Variants in GALNTL6 observed in about 807,000 individuals in gnomAD.
GALNTL6 encodes polypeptide N-acetylgalactosaminyltransferase-like 6.
A neutral mutation model predicts 73.7 loss-of-function variants in GALNTL6; 46 were observed. The observed-to-expected ratio is 0.62, with a 90% CI of 0.49 to 0.80. GALNTL6 has a LOEUF of 0.80. Among genes scored for constraint, GALNTL6 ranks in the 30% least tolerant of loss-of-function variants. The pLI, the probability that GALNTL6 is intolerant of heterozygous loss-of-function variation, is 0.00. For missense variants in GALNTL6, 604 were observed against 755.0 expected, an observed-to-expected ratio of 0.80 and a Z score of 2.34; for synonymous variants, 259 against 263.7, an observed-to-expected ratio of 0.98 and a Z score of 0.17.
intron 5 of GALNTL6, among the ~76,000 whole-genome samples, chr4:172,365,853 C>T (rs1178461653): frequency 6.6e-6 from 1 of 151,990 alleles, no homozygotes; most frequent in East Asian, 1.9e-4. Context: ...TAGGCTGACC[C>T]ACCTTTAGAC....
intron 2 of GALNTL6, among the ~76,000 whole-genome samples, chr4:172,148,112 TA>T (rs1460428045): frequency 1.3e-5 from 2 of 152,178 alleles, no homozygotes; most frequent in African/African-American, 4.8e-5. Context: ...AAAACAGTAT[TA>T]TTACATTACA....
At chr4:172,968,720 A>G (rs895654075) in intron 10 of GALNTL6, among the ~76,000 whole-genome samples, 2 of 152,170 alleles carry the variant, frequency 1.3e-5, no homozygotes, top group African/African-American at 4.8e-5. Flanking sequence ...GAGTTAGAGC[A>G]GGAAGTTTTT....
chr4:171,826,527 G>C (rs74418255), intron 2 of GALNTL6, among the ~76,000 whole-genome samples: 4,955 of 152,136 alleles, frequency 0.033, 152 homozygotes, highest in Non-Finnish European at 0.049. Context: ...CCTATTGGAG[G>C]GGGTAGGGGA....
intron 5 of GALNTL6, among the ~76,000 whole-genome samples, chr4:172,457,854 A>G (rs554704167): frequency 6.6e-6 from 1 of 152,320 alleles, no homozygotes; most frequent in African/African-American, 2.4e-5. Context: ...CTCTGGACTA[A>G]GCAGATCTAA....
At chr4:172,813,135 A>G (rs1478506363) in intron 6 of GALNTL6, among the ~76,000 whole-genome samples, 3 of 152,146 alleles carry the variant, frequency 2.0e-5, no homozygotes, top group Admixed American at 6.5e-5. Context: ...ACTTTTTGGA[A>G]CCTCCAGAAA....
At chr4:171,900,775 A>G (rs1040958542) in intron 2 of GALNTL6, among the ~76,000 whole-genome samples, 3 of 152,156 alleles carry the variant, frequency 2.0e-5, no homozygotes, top group Admixed American at 6.6e-5. Context: ...TGGTTTTGAA[A>G]TTACAAAAAA....
chr4:172,840,282 A>G lies in GALNTL6; in HGVS notation c.923+26559A>G, dbSNP rs183657444. 1.6e-3 allele frequency among the ~76,000 whole-genome samples: 240 copies of G among 152,340 alleles called. 1 individual carries two copies. The highest frequency in any genetic ancestry group is 5.7e-3 in the African/African-American group (239 of 41,568). On this transcript the variant is annotated intron_variant, in intron 7 of 12. Transcript: ENST00000506823. ...TCCTAATCAGACGGTCATCATATAG[A>G]AAGTCTGTAAACACTGAATTTAAAT...
chr4:171,881,586 C>A (rs894142795), intron 2 of GALNTL6, among the ~76,000 whole-genome samples: 5 of 152,184 alleles, frequency 3.3e-5, no homozygotes, highest in Non-Finnish European at 7.3e-5. Context: ...GAGACACACC[C>A]AGGATCAATA....
chr4:172,645,397 A>T (rs1270497516), intron 5 of GALNTL6, among the ~76,000 whole-genome samples: 1 of 152,024 alleles, frequency 6.6e-6, no homozygotes, highest in African/African-American at 2.4e-5. Context: ...ATCAAGTTTC[A>T]TTCCTTTCCA....
At chr4:171,919,756 A>T (rs1302509140) in intron 2 of GALNTL6, among the ~76,000 whole-genome samples, 1 of 152,046 alleles carries the variant, frequency 6.6e-6, no homozygotes. Context: ...AGAAGCAACC[A>T]CCTCTACCCA....
intron 2 of GALNTL6, among the ~76,000 whole-genome samples, chr4:172,168,854 G>A (rs888531093): frequency 6.6e-6 from 1 of 152,146 alleles, no homozygotes; most frequent in Non-Finnish European, 1.5e-5. Flanking sequence ...TGTAATTTTT[G>A]TGATGTTTTT....
intron 5 of GALNTL6, among the ~76,000 whole-genome samples, chr4:172,727,588 T>C (rs1735894362): frequency 6.6e-6 from 1 of 152,180 alleles, no homozygotes; most frequent in South Asian, 2.1e-4. Context: ...AATTGGCCTT[T>C]AAGGAATAAA....
chr4:172,242,179 T>C (rs1302946838), intron 3 of GALNTL6, among the ~76,000 whole-genome samples: 1 of 152,098 alleles, frequency 6.6e-6, no homozygotes, highest in Admixed American at 6.6e-5. Context: ...ATCTAACAAA[T>C]TGGGCTGGGA....
chr4:171,967,782 A>G (rs184250542), intron 2 of GALNTL6, among the ~76,000 whole-genome samples: 1 of 152,170 alleles, frequency 6.6e-6, no homozygotes, highest in Non-Finnish European at 1.5e-5. Flanking sequence ...CAAAAGAATA[A>G]CAAATGAAAC....
rs78659345 is a variant in GALNTL6, at chr4:172,170,605, C to T, written c.139-59051C>T. 4.2e-3 allele frequency among the ~76,000 whole-genome samples: 628 copies of T among 150,904 alleles called. 2 individuals are homozygous for T. Among genetic ancestry groups the T allele is most frequent in the African/African-American group, 0.014 (584 of 41,064 alleles). Reference sequence around the variant, plus strand: ...GCTCACTGCAACCTCCTCCGCTTTCCGAGTTCAAGTTATTCTGGTGCCTCA... The same window carrying T: ...GCTCACTGCAACCTCCTCCGCTTTCTGAGTTCAAGTTATTCTGGTGCCTCA... On this transcript the variant is annotated intron_variant, in intron 2 of 12. Transcript: ENST00000506823.
chr4:172,436,646 T>A (rs965422770), intron 5 of GALNTL6, among the ~76,000 whole-genome samples: 1 of 152,120 alleles, frequency 6.6e-6, no homozygotes, highest in Non-Finnish European at 1.5e-5. Flanking sequence ...TTCTATGGAA[T>A]TTTTTCTTCT....
rs550125507 is a variant in GALNTL6, at chr4:172,018,543, G to A, written c.138+203825G>A. Among the ~76,000 whole-genome samples, 4 of 152,162 alleles carry A rather than the reference G, an allele frequency of 2.6e-5. No homozygotes were observed. The South Asian group carries it at 8.3e-4, about 32-fold the overall frequency. On this transcript the variant is annotated intron_variant, in intron 2 of 12. Coordinates refer to ENST00000506823, the MANE Select transcript of GALNTL6 (RefSeq NM_001034845.3). ...AGCTCCCACACAGTTGGCAAGCCTG[G>A]TCTTGCTCCCTCAGTATCCTATTAA... is the stretch of plus-strand genomic sequence containing the variant.
chr4:172,176,290 A>C (rs1239316658), intron 2 of GALNTL6, among the ~76,000 whole-genome samples: 1 of 129,670 alleles, frequency 7.7e-6, no homozygotes, highest in South Asian at 2.8e-4. Flanking sequence ...CAGTGAGCCG[A>C]GATCGCGCCA....
chr4:172,052,251 T>C (rs1326740551), intron 2 of GALNTL6, among the ~76,000 whole-genome samples: 2 of 130,402 alleles, frequency 1.5e-5, no homozygotes, highest in Non-Finnish European at 3.3e-5. Flanking sequence ...AGTTTTATAT[T>C]ATTTCAGTAG....
Sources: allele counts gnomAD v4.1 joint callset (sites outside exome capture counted in the v4.1 genomes callset), GRCh38; gene constraint gnomAD v4.1.1; transcripts MANE v1.5; gene names NCBI Gene and HGNC (gene_info 2026-07-23, HGNC 2026-07-21).